The following C2orf72 variants were observed in gnomAD, a reference collection of about 807,000 sequenced individuals.
C2orf72 encodes the protein chromosome 2 open reading frame 72.
A neutral mutation model predicts 14.4 loss-of-function variants in C2orf72; 16 were observed. That is an observed-to-expected ratio of 1.11 (90% CI 0.75 to 1.69). The LOEUF (loss-of-function observed/expected upper bound fraction) is 1.69. C2orf72 is among the 40% of genes most tolerant of loss of function. The probability of loss-of-function intolerance (pLI) is 0.00; values close to 1 mark genes in which losing one functional copy is unlikely to be tolerated. For missense variants in C2orf72, 371 were observed against 358.3 expected (o/e 1.04, Z -0.29); for synonymous variants, 168 against 176.8 (o/e 0.95, Z 0.40).
chr2:231,041,682 GGTGCATGGGAC>G (rs1174498648), intron 2 of C2orf72, among the ~76,000 whole-genome samples: 3 of 152,038 alleles, frequency 2.0e-5, no homozygotes, highest in African/African-American at 2.4e-5. Context: ...AGCATGGTGG[GGTGCATGGGAC>G]GTGCATGGGA....
At chr2:231,042,339 C>T (rs62193694) in intron 2 of C2orf72, among the ~76,000 whole-genome samples, 32,794 of 152,058 alleles carry the variant, frequency 0.22, 3,694 homozygotes, top group African/African-American at 0.28. Context: ...CCAAGCCCTA[C>T]GTATACACTG....
At chr2:231,040,605 T>C (rs1693328475) in intron 1 of C2orf72, among the ~76,000 whole-genome samples, 1 of 152,234 alleles carries the variant, frequency 6.6e-6, no homozygotes, top group South Asian at 2.1e-4. Flanking sequence ...AAGATTTCGC[T>C]AGTGGTTGGA....
chr2:231,045,136 C>T (rs1043083684), intron 2 of C2orf72, among the ~76,000 whole-genome samples: 9 of 151,798 alleles, frequency 5.9e-5, no homozygotes, highest in African/African-American at 1.7e-4. Context: ...TGGTGGCACA[C>T]GCCTGTAATC....
At chr2:231,044,205 T>C (rs1241041728) in intron 2 of C2orf72, among the ~76,000 whole-genome samples, 15 of 152,222 alleles carry the variant, frequency 9.9e-5, no homozygotes, top group East Asian at 5.8e-4. Flanking sequence ...GGTGAGTGAA[T>C]GGGAAGACCT....
intron 2 of C2orf72, among the ~76,000 whole-genome samples, chr2:231,042,333 G>A (rs1484327508): frequency 6.6e-6 from 1 of 152,198 alleles, no homozygotes; most frequent in African/African-American, 2.4e-5. Context: ...GTAGCACCAA[G>A]CCCTACGTAT....
chr2:231,047,012 C>CTCAAGACT lies in C2orf72; in HGVS notation c.885_886insCTTCAAGA (p.Ter296LeufsTer76). 1 of 1,551,694 alleles carries CTCAAGACT rather than the reference C, an allele frequency of 6.4e-7. No homozygotes were observed. The highest frequency in any genetic ancestry group is 8.7e-7 in the Non-Finnish European group (1 of 1,147,004). ...ACACTCCTGCTGAGCCCACCGGAGA[C>CTCAAGACT]TCAAGATGAAGGCTGGACCCTTGCG... is the stretch of plus-strand genomic sequence containing the variant. On this transcript the variant is annotated frameshift_variant, in exon 3 of 3. Transcript: ENST00000373640. LOFTEE classifies it high-confidence loss of function.
chr2:231,037,852 C>G lies in C2orf72; in HGVS notation c.287C>G (p.Ala96Gly), dbSNP rs1387737357. The G allele has an allele frequency of 1.1e-5, 11 of 972,940 alleles. No individual in the cohort carries two copies. In the African/African-American group the frequency reaches 1.6e-4, roughly 14 times the overall value. The allele number at this position is 972,940 out of a possible 1,614,324, so 60.3% of individuals were successfully genotyped here. A position where few individuals can be genotyped will look rare whatever the true frequency, so the allele number is the denominator to read the frequency against. Residue 96 changes from alanine (A) to glycine (G), a missense_variant, in exon 1 of 3, where the codon GCG becomes GGG. Transcript: ENST00000373640. Reference sequence around the variant, plus strand: ...GCGGCTGGGGCGGCGGGGGCGGCGGCGGCGGCGGCGCGCGCCATCCGCTCG... The same window carrying G: ...GCGGCTGGGGCGGCGGGGGCGGCGGGGGCGGCGGCGCGCGCCATCCGCTCG... The part of the protein sequence containing the change: ...ARAAGAAGAA[A>G]AAARAIRSPL...
At chr2:231,038,622 A>G (rs1326321500) in intron 1 of C2orf72, among the ~76,000 whole-genome samples, 4 of 152,032 alleles carry the variant, frequency 2.6e-5, no homozygotes, top group Non-Finnish European at 5.9e-5. Context: ...GCGGTGCCAG[A>G]AGCTAAATTC....
intron 1 of C2orf72, among the ~76,000 whole-genome samples, chr2:231,040,000 C>A (rs575212048): frequency 1.4e-4 from 21 of 152,264 alleles, no homozygotes; most frequent in African/African-American, 4.6e-4. Context: ...ACTTTGGCCT[C>A]CCAAAGTGCT....
chr2:231,047,848 C>A lies in C2orf72; in HGVS notation c.*827C>A, dbSNP rs528627384. ...CCAAGACGGTCTGCGTGCTGCAGGGCCAGGACAGAAATAGCCACACATGCC... is the reference window on the plus strand; with the variant it reads ...CCAAGACGGTCTGCGTGCTGCAGGGACAGGACAGAAATAGCCACACATGCC... On this transcript the variant is annotated 3_prime_UTR_variant, in exon 3 of 3. Coordinates refer to ENST00000373640, the MANE Select transcript of C2orf72 (RefSeq NM_001144994.2). 2.0e-5 allele frequency: 3 copies of A among 152,806 alleles called. No individual in the cohort carries two copies. The highest frequency in any genetic ancestry group is 3.9e-4 in the East Asian group (2 of 5,192). The allele number at this position is 152,806 out of a possible 1,614,324, so 9.5% of individuals were successfully genotyped here.
intron 2 of C2orf72, 124 bp from the exon 3 acceptor site, chr2:231,046,758 A>G: frequency 3.2e-6 from 3 of 942,268 alleles, no homozygotes; most frequent in Non-Finnish European, 4.7e-6. Context: ...AAGGTTTTTG[A>G]TATGTATTTT....
chr2:231,041,460 T>G, intron 2 of C2orf72, 51 bp downstream of exon 2: 1 of 1,398,656 alleles, frequency 7.1e-7, no homozygotes, highest in South Asian at 1.2e-5. Flanking sequence ...CATGGAATTA[T>G]GGGAGTGGTC....
In C2orf72 at chr2:231,048,357, G is replaced by C. The variant is rs1161015077; in HGVS notation, c.*1336G>C. 1 of 152,268 alleles carries C rather than the reference G, an allele frequency of 6.6e-6. No individual in the cohort carries two copies. The highest frequency in any genetic ancestry group is 1.5e-5 in the Non-Finnish European group (1 of 68,086). 9.4% of individuals were successfully genotyped at this position (152,268 alleles called of 1,614,324 possible). On this transcript the variant is annotated 3_prime_UTR_variant, in exon 3 of 3. Coordinates refer to ENST00000373640, the MANE Select transcript of C2orf72 (RefSeq NM_001144994.2). ...ACACAACTGCGCCTACTATTTGCTCGGTGCCCTGCAAGGTGCTGCCTAACT... is the reference window on the plus strand; with the variant it reads ...ACACAACTGCGCCTACTATTTGCTCCGTGCCCTGCAAGGTGCTGCCTAACT...
chr2:231,046,560 C>T (rs184002323), intron 2 of C2orf72, among the ~76,000 whole-genome samples: 2 of 152,208 alleles, frequency 1.3e-5, no homozygotes, highest in East Asian at 3.9e-4. Flanking sequence ...TTGGTTGATT[C>T]AGGGGCTCAG....
chr2:231,042,645 T>C (rs941631394), intron 2 of C2orf72, among the ~76,000 whole-genome samples: 4 of 152,222 alleles, frequency 2.6e-5, no homozygotes, highest in Non-Finnish European at 5.9e-5. Flanking sequence ...TTAACTTTCA[T>C]TGTGTCTCTC....
chr2:231,049,263 A>G lies in C2orf72; in HGVS notation c.*2242A>G, dbSNP rs951973228. On this transcript the variant is annotated 3_prime_UTR_variant, in exon 3 of 3. Transcript: ENST00000373640. ...ACATTATTTTTTCATTACCTTCAGTATTCCTGTGAATGGTTCAAGAGAGAA... is the reference window on the plus strand; with the variant it reads ...ACATTATTTTTTCATTACCTTCAGTGTTCCTGTGAATGGTTCAAGAGAGAA... The G allele has an allele frequency of 6.6e-6, 1 of 152,166 alleles. No homozygotes were observed. Among genetic ancestry groups the G allele is most frequent in the African/African-American group, 2.4e-5 (1 of 41,422 alleles). The allele number at this position is 152,166 out of a possible 1,614,324, so 9.4% of individuals were successfully genotyped here.
intron 2 of C2orf72, among the ~76,000 whole-genome samples, chr2:231,044,962 T>TATATATACACAC (rs985747494): frequency 3.4e-5 from 5 of 146,422 alleles, no homozygotes; most frequent in African/African-American, 1.3e-4. Flanking sequence ...TATATATATA[T>TATATATACACAC]ACACACACAC....
At chr2:231,038,649 C>CAG (rs1285594571) in intron 1 of C2orf72, among the ~76,000 whole-genome samples, 2 of 152,052 alleles carry the variant, frequency 1.3e-5, no homozygotes, top group Admixed American at 1.3e-4. Context: ...GCTGCGCAGC[C>CAG]AGAGATGCGT....
rs1693274709 is a variant in C2orf72 at position 231,037,816 on chromosome 2, G to A, written c.251G>A (p.Arg84Lys). The change falls in exon 1 of 3, where the codon AGG becomes AAG. Residue 84 changes from arginine to lysine, a missense_variant. Physicochemically the swap from Arg to Lys is conservative, Grantham distance 26 (BLOSUM62 2). Around this residue, in one of 3 missense-constraint regions of C2orf72, gnomAD observed 214 missense variants for 178.7 expected, o/e 1.20. Transcript: ENST00000373640. The stretch of plus-strand genomic sequence containing the variant: ...CCCGGGGCGGCGCGCGGGGCGCAGA[G>A]GGCGGCGAGGGCGGCTGGGGCGGCG... ...AGPGAARGAQ[R>K]AARAAGAAGA... 2 of 979,240 alleles carry A rather than the reference G, an allele frequency of 2.0e-6. No homozygotes were observed. The highest frequency in any genetic ancestry group is 2.4e-6 in the Non-Finnish European group (2 of 827,552). The allele number at this position is 979,240 out of a possible 1,614,324, so 60.7% of individuals were successfully genotyped here.
Sources: gnomAD v4.1 joint callset for allele counts (sites outside exome capture counted in the v4.1 genomes callset) on GRCh38, gnomAD v4.1.1 for gene constraint, gnomAD v4.1.1 regional missense constraint, MANE v1.5 for transcripts, NCBI Gene and HGNC (gene_info 2026-07-23, HGNC 2026-07-21) for gene names.